GPHN: variants seen among roughly 807,000 people sequenced by gnomAD.
GPHN encodes the protein gephyrin.
Under a neutral mutation model 95.5 loss-of-function variants are expected in GPHN, and 17 were observed. That is an observed-to-expected ratio of 0.18 (90% CI 0.12 to 0.27). The LOEUF is 0.27. Among genes scored for constraint, GPHN ranks in the 10% least tolerant of loss-of-function variants. GPHN has a pLI of 1.00. For synonymous variants in GPHN, 320 were observed against 322.5 expected (o/e 0.99, Z 0.08); for missense variants, 660 against 978.1 (o/e 0.67, Z 4.34).
the GPHN span, among the ~76,000 whole-genome samples, chr14:67,405,972 G>A: frequency 1.3e-5 from 2 of 152,122 alleles, no homozygotes; most frequent in African/African-American, 4.8e-5. Flanking sequence ...GTTTTAAGAT[G>A]CTTGGCCAGG....
At chr14:67,256,810 A>T in the GPHN span, among the ~76,000 whole-genome samples, 1 of 151,986 alleles carries the variant, frequency 6.6e-6, no homozygotes, top group Non-Finnish European at 1.5e-5. Context: ...ACACACACAC[A>T]CACACACACA....
intron 1 of GPHN, among the ~76,000 whole-genome samples, chr14:66,520,545 C>G (rs905311295): frequency 1.3e-5 from 2 of 152,094 alleles, no homozygotes; most frequent in Non-Finnish European, 2.9e-5. Context: ...TGAACTCTTA[C>G]TCTCCATTTC....
chr14:67,717,074 T>C, the GPHN span, among the ~76,000 whole-genome samples: 8 of 151,256 alleles, frequency 5.3e-5, no homozygotes, highest in Non-Finnish European at 1.2e-4. Flanking sequence ...TCGGTACCCT[T>C]CCCCTTTAAA....
the GPHN span, chr14:67,349,124 C>T: frequency 1.9e-6 from 3 of 1,610,188 alleles, no homozygotes; most frequent in Non-Finnish European, 2.5e-6. Flanking sequence ...AAGAGAAAGA[C>T]TTTATTTAGC....
At chr14:66,584,665 G>T (rs145802819) in intron 1 of GPHN, among the ~76,000 whole-genome samples, 1 of 152,012 alleles carries the variant, frequency 6.6e-6, no homozygotes, top group Admixed American at 6.6e-5. Context: ...TTCGTCTTTG[G>T]TTTTGTTTAT....
At chr14:66,576,114 AG>A (rs1486827466) in intron 1 of GPHN, among the ~76,000 whole-genome samples, 8 of 152,042 alleles carry the variant, frequency 5.3e-5, no homozygotes, top group African/African-American at 1.9e-4. Context: ...CTGGGGCTTC[AG>A]GGGCCAGTTT....
At chr14:66,921,269 A>G (rs1255880632) in intron 6 of GPHN, among the ~76,000 whole-genome samples, 1 of 151,964 alleles carries the variant, frequency 6.6e-6, no homozygotes, top group Non-Finnish European at 1.5e-5. Context: ...CTGTTTTTTG[A>G]TTATTTGATT....
chr14:66,704,180 G>C (rs2153417030), intron 2 of GPHN, among the ~76,000 whole-genome samples: 1 of 152,192 alleles, frequency 6.6e-6, no homozygotes, highest in South Asian at 2.1e-4. Flanking sequence ...CAAGTTGCTA[G>C]AGACCTGAAA....
the GPHN span, chr14:67,599,922 G>A: frequency 4.2e-6 from 4 of 957,974 alleles, no homozygotes; most frequent in South Asian, 6.8e-5. Flanking sequence ...TATCACTGTA[G>A]GAGGGGCCGA....
the GPHN span, chr14:67,646,571 C>T: frequency 1.5e-5 from 19 of 1,238,788 alleles, no homozygotes; most frequent in African/African-American, 1.8e-4. Flanking sequence ...TGCATACCCA[C>T]GGACGCACAT....
At chr14:67,559,681 A>C in the GPHN span, 1 of 1,603,890 alleles carries the variant, frequency 6.2e-7, no homozygotes, top group Non-Finnish European at 8.5e-7. Flanking sequence ...GTGACACTCA[A>C]GTTGGCAAAG....
intron 1 of GPHN, among the ~76,000 whole-genome samples, chr14:66,675,674 A>G (rs1468139561): frequency 6.6e-6 from 1 of 151,950 alleles, no homozygotes; most frequent in East Asian, 1.9e-4. Context: ...AAATCTTTAA[A>G]ATCTTTGCTT....
At chr14:67,116,328 A>C (rs1316943179) in intron 16 of GPHN, among the ~76,000 whole-genome samples, 2 of 151,836 alleles carry the variant, frequency 1.3e-5, no homozygotes, top group Non-Finnish European at 2.9e-5. Context: ...AAAGAAAGAA[A>C]CAGAAGGAAA....
intron 1 of GPHN, among the ~76,000 whole-genome samples, chr14:66,632,648 A>G (rs1360365124): frequency 6.6e-6 from 1 of 151,542 alleles, no homozygotes; most frequent in African/African-American, 2.4e-5. Context: ...CTGCGCCACC[A>G]CACCCTGCTA....
intron 1 of GPHN, among the ~76,000 whole-genome samples, chr14:66,666,419 A>T (rs934121017): frequency 6.6e-6 from 1 of 151,950 alleles, no homozygotes; most frequent in Non-Finnish European, 1.5e-5. Flanking sequence ...TAATAAAAAA[A>T]AAAGCTTGTC....
chr14:67,148,395 C>T (rs112779189), intron 18 of GPHN, among the ~76,000 whole-genome samples: 6 of 152,226 alleles, frequency 3.9e-5, no homozygotes, highest in African/African-American at 1.4e-4. Flanking sequence ...AGGGCAAATA[C>T]AATCTCATGA....
intron 8 of GPHN, among the ~76,000 whole-genome samples, chr14:66,936,503 T>G (rs1392950541): frequency 5.1e-4 from 78 of 152,352 alleles, no homozygotes; most frequent in Non-Finnish European, 1.6e-4. Context: ...TCTGGAAGTT[T>G]ACTGATCCAA....
chr14:66,721,439 C>T (rs1403567029), intron 2 of GPHN, among the ~76,000 whole-genome samples: 1 of 152,142 alleles, frequency 6.6e-6, no homozygotes, highest in Non-Finnish European at 1.5e-5. Context: ...TATATAACTC[C>T]TGAAACACTT....
chr14:67,279,603 A>T, the GPHN span: 1 of 1,412,442 alleles, frequency 7.1e-7, no homozygotes, highest in Non-Finnish European at 9.5e-7. Flanking sequence ...TATAATGTAT[A>T]TGAGAAGGAA....
Sources: allele counts gnomAD v4.1 joint callset (sites outside exome capture counted in the v4.1 genomes callset), GRCh38; gene constraint gnomAD v4.1.1; transcripts MANE v1.5; gene names NCBI Gene and HGNC (gene_info 2026-07-23, HGNC 2026-07-21).